The following GALNTL6 variants were observed in gnomAD, a reference collection of about 807,000 sequenced individuals.
GALNTL6 encodes the protein polypeptide N-acetylgalactosaminyltransferase-like 6.
GALNTL6 carries 46 observed loss-of-function variants against 73.7 expected under a neutral mutation model. That is an observed-to-expected ratio of 0.62 (90% CI 0.49 to 0.80). The LOEUF (loss-of-function observed/expected upper bound fraction) is 0.80. GALNTL6 is among the 30% of genes least tolerant of loss of function. GALNTL6 has a pLI of 0.00. For synonymous variants in GALNTL6, 259 were observed against 263.7 expected (o/e 0.98, Z 0.17); for missense variants, 604 against 755.0 (o/e 0.80, Z 2.34).
chr4:172,099,065 C>A (rs941285168), intron 2 of GALNTL6, among the ~76,000 whole-genome samples: 1 of 151,954 alleles, frequency 6.6e-6, no homozygotes. Context: ...CAAAGGAAGA[C>A]AGTAGAAGGA....
At chr4:172,735,385 CT>C (rs1316203298) in intron 5 of GALNTL6, among the ~76,000 whole-genome samples, 1 of 152,168 alleles carries the variant, frequency 6.6e-6, no homozygotes, top group Non-Finnish European at 1.5e-5. Flanking sequence ...CCTGTAACCC[CT>C]TTGTTTTGAC....
intron 5 of GALNTL6, among the ~76,000 whole-genome samples, chr4:172,357,634 T>TACACACACACACACAC (rs5864129): frequency 5.5e-5 from 8 of 145,840 alleles, no homozygotes; most frequent in East Asian, 4.1e-4. Context: ...TATAGATATA[T>TACACACACACACACAC]ACACACACAC....
chr4:172,258,254 T>C (rs1738149218), intron 3 of GALNTL6, among the ~76,000 whole-genome samples: 1 of 151,346 alleles, frequency 6.6e-6, no homozygotes, highest in Non-Finnish European at 1.5e-5. Context: ...GTCTTCCCTT[T>C]ATATTGTTGC....
At chr4:172,567,167 T>C (rs960651937) in intron 5 of GALNTL6, among the ~76,000 whole-genome samples, 1 of 152,078 alleles carries the variant, frequency 6.6e-6, no homozygotes, top group African/African-American at 2.4e-5. Context: ...AAAGTTCATC[T>C]TCACTCATTA....
intron 10 of GALNTL6, among the ~76,000 whole-genome samples, chr4:173,008,388 AT>A (rs1256241637): frequency 2.6e-5 from 4 of 152,254 alleles, no homozygotes; most frequent in African/African-American, 9.6e-5. Context: ...ATGTTGCATT[AT>A]CAACACATTC....
At chr4:172,978,693 A>G (rs1230654762) in intron 10 of GALNTL6, among the ~76,000 whole-genome samples, 1 of 152,232 alleles carries the variant, frequency 6.6e-6, no homozygotes, top group Non-Finnish European at 1.5e-5. Flanking sequence ...ACAATGCTAA[A>G]TATTCATTGG....
intron 5 of GALNTL6, among the ~76,000 whole-genome samples, chr4:172,470,198 C>T (rs1169094713): frequency 1.3e-5 from 2 of 152,128 alleles, no homozygotes; most frequent in Non-Finnish European, 2.9e-5. Flanking sequence ...TGATTTAATC[C>T]TTGTAACCCT....
At chr4:172,191,454 G>T (rs1041508255) in intron 2 of GALNTL6, among the ~76,000 whole-genome samples, 2 of 152,002 alleles carry the variant, frequency 1.3e-5, no homozygotes, top group African/African-American at 4.8e-5. Context: ...CTCTTTGCTG[G>T]GTAAAGCATT....
intron 3 of GALNTL6, among the ~76,000 whole-genome samples, chr4:172,285,210 G>A (rs1337852689): frequency 1.3e-5 from 2 of 152,032 alleles, no homozygotes; most frequent in Non-Finnish European, 2.9e-5. Context: ...GCAAAATTCT[G>A]TTCTACACAC....
intron 4 of GALNTL6, among the ~76,000 whole-genome samples, chr4:172,346,072 A>T (rs1741728407): frequency 6.6e-6 from 1 of 152,138 alleles, no homozygotes. Context: ...GTATAATAGG[A>T]CCCTCTTGGC....
chr4:172,325,371 A>G (rs1740905937), intron 4 of GALNTL6, among the ~76,000 whole-genome samples: 1 of 152,008 alleles, frequency 6.6e-6, no homozygotes, highest in Admixed American at 6.6e-5. Flanking sequence ...TCTGGGTAAG[A>G]TGAAAGAAAC....
intron 2 of GALNTL6, among the ~76,000 whole-genome samples, chr4:172,047,293 T>C (rs543626922): frequency 5.9e-5 from 9 of 152,148 alleles, no homozygotes; most frequent in African/African-American, 1.9e-4. Context: ...GACAACACCA[T>C]CTCCTCACTA....
chr4:172,734,137 G>A (rs993623051), intron 5 of GALNTL6, among the ~76,000 whole-genome samples: 8 of 152,160 alleles, frequency 5.3e-5, no homozygotes, highest in African/African-American at 1.2e-4. Context: ...CTCTGCCTTC[G>A]AGATCTGTGG....
At chr4:172,587,478 T>A (rs78977969) in intron 5 of GALNTL6, among the ~76,000 whole-genome samples, 216 of 152,344 alleles carry the variant, frequency 1.4e-3, no homozygotes, top group Middle Eastern at 3.4e-3. Flanking sequence ...TGGCTTGTCT[T>A]CCCTTTAGAA....
intron 2 of GALNTL6, among the ~76,000 whole-genome samples, chr4:171,975,852 T>G (rs2111071849): frequency 6.6e-6 from 1 of 152,316 alleles, no homozygotes. Flanking sequence ...AAATTTTGAA[T>G]TCTTTGGAGA....
intron 2 of GALNTL6, among the ~76,000 whole-genome samples, chr4:171,819,947 C>G (rs192218445): frequency 6.6e-6 from 1 of 152,168 alleles, no homozygotes; most frequent in African/African-American, 2.4e-5. Context: ...TGCAAGTGTG[C>G]AAAGAAATGG....
At chr4:172,493,939 T>G in intron 5 of GALNTL6, among the ~76,000 whole-genome samples, 1 of 152,156 alleles carries the variant, frequency 6.6e-6, no homozygotes, top group East Asian at 1.9e-4. Context: ...TCGGTTGCTA[T>G]TTGGATCACC....
chr4:172,766,505 A>G lies in GALNTL6; in HGVS notation c.554-42856A>G, dbSNP rs182991975. On this transcript the variant is annotated intron_variant, in intron 5 of 12. Coordinates refer to ENST00000506823, the MANE Select transcript of GALNTL6 (RefSeq NM_001034845.3). Reference sequence around the variant, plus strand: ...AACATAATGAGGGAAGAAGAACCTGAACTAAATAGTACTAAGAATAGTTAC... The same window carrying G: ...AACATAATGAGGGAAGAAGAACCTGGACTAAATAGTACTAAGAATAGTTAC... Among the ~76,000 whole-genome samples the G allele has an allele frequency of 1.1e-3, 171 of 152,308 alleles. 1 individual carries two copies. Among genetic ancestry groups the G allele is most frequent in the African/African-American group, 4.0e-3 (165 of 41,564 alleles).
chr4:172,885,717 T>C (rs1017963759), intron 8 of GALNTL6, among the ~76,000 whole-genome samples: 5 of 152,238 alleles, frequency 3.3e-5, no homozygotes, highest in East Asian at 1.9e-4. Context: ...TGTTATCATA[T>C]TGAGATATTT....
Sources: gnomAD v4.1 joint callset for allele counts (sites outside exome capture counted in the v4.1 genomes callset) on GRCh38, gnomAD v4.1.1 for gene constraint, MANE v1.5 for transcripts, NCBI Gene and HGNC (gene_info 2026-07-23, HGNC 2026-07-21) for gene names.